The following TP73 variants were observed in gnomAD, a reference collection of about 807,000 sequenced individuals.
The protein encoded by TP73 is tumor protein p73, also known as p53-like transcription factor.
Under a neutral mutation model 62.5 loss-of-function variants are expected in TP73, and 25 were observed. The observed-to-expected ratio is 0.40, with a 90% CI of 0.29 to 0.56. The LOEUF (loss-of-function observed/expected upper bound fraction) is 0.56, where lower values mean the gene tolerates loss of function less well. TP73 is among the 20% of genes least tolerant of loss of function. The probability of loss-of-function intolerance (pLI) is 0.46; values close to 1 mark genes in which losing one functional copy is unlikely to be tolerated. For synonymous variants in TP73, 423 were observed against 377.5 expected (o/e 1.12, Z -1.40); for missense variants, 754 against 913.3 (o/e 0.83, Z 2.25).
intron 3 of TP73, among the ~76,000 whole-genome samples, chr1:3,706,134 C>T (rs1639606743): frequency 6.6e-6 from 1 of 152,182 alleles, no homozygotes; most frequent in African/African-American, 2.4e-5. Context: ...CCCGCCTCCG[C>T]CTGGCTCTGC....
intron 1 of TP73, among the ~76,000 whole-genome samples, chr1:3,661,741 AT>A: frequency 6.9e-6 from 1 of 145,652 alleles, no homozygotes; most frequent in South Asian, 2.1e-4. Flanking sequence ...TATATATATA[AT>A]ATGTATTACA....
chr1:3,718,205 C>A (rs1441858086), intron 4 of TP73, among the ~76,000 whole-genome samples: 1 of 152,224 alleles, frequency 6.6e-6, no homozygotes, highest in Non-Finnish European at 1.5e-5. Context: ...CGCCCAAGCT[C>A]CTCCCCGGGG....
chr1:3,730,811 C>T, intron 11 of TP73, 116 bp from the exon 12 acceptor site: 5 of 1,346,144 alleles, frequency 3.7e-6, no homozygotes, highest in Non-Finnish European at 5.0e-6. Flanking sequence ...CCCAGCGTCA[C>T]ATCGCCAGGC....
intron 1 of TP73, among the ~76,000 whole-genome samples, chr1:3,680,059 C>G (rs1645484827): frequency 6.6e-6 from 1 of 151,950 alleles, no homozygotes; most frequent in Non-Finnish European, 1.5e-5. Context: ...ATCCCTGTCT[C>G]TATGTCTCTG....
In TP73 at chr1:3,729,447, C is replaced by A. The variant is rs1191638867; in HGVS notation, c.1195C>A (p.Pro399Thr). ...GCAGCAGCAGCAGCTCCTACAGAGG[C>A]CGTGAGTCAGCCCTAGCCCACCATC... ...YRQQQQLLQR[P>T]SHLQPPSYGP... is the part of the protein sequence containing the mutation. The change falls in exon 10 of 14, where the codon CCG (proline) becomes ACG (threonine). Residue 399 changes from proline (P) to threonine (T), a missense_variant and splice_region_variant. Pro to Thr is a conservative substitution (Grantham distance 38). Transcript: ENST00000378295. 6.2e-7 allele frequency: 1 copy of A among 1,612,562 alleles called. No homozygotes were observed. Among genetic ancestry groups the A allele is most frequent in the Non-Finnish European group, 8.5e-7 (1 of 1,179,972 alleles).
intron 1 of TP73, among the ~76,000 whole-genome samples, chr1:3,664,503 C>G (rs1030658912): frequency 6.6e-6 from 1 of 152,216 alleles, no homozygotes; most frequent in Non-Finnish European, 1.5e-5. Flanking sequence ...CCTGCTCGCC[C>G]GTACTGCACC....
rs537928565 is a variant in TP73 at position 3,676,477 on chromosome 1, G to C, written c.-33-5856G>C. Among the ~76,000 whole-genome samples the C allele has an allele frequency of 2.7e-5, 4 of 150,918 alleles. No homozygotes were observed. In the South Asian group the frequency reaches 8.4e-4, roughly 32 times the overall value. ...CAGGGAGGGGATGCTTGGGGACAGG[G>C]AGGGAATGCTTGGGACAGGGCAGGG... On this transcript the variant is annotated intron_variant, in intron 1 of 13. Transcript: ENST00000378295.
intron 12 of TP73, 74 bp from the exon 13 acceptor site, chr1:3,731,387 ACT>A: frequency 6.9e-7 from 1 of 1,441,214 alleles, no homozygotes; most frequent in Non-Finnish European, 9.7e-7. Context: ...CAGCCAGGCC[ACT>A]CTCAGAGATG....
In TP73 at chr1:3,683,114, G is replaced by A. The variant is rs370965402; in HGVS notation, c.120G>A (p.Glu40=). The change falls in exon 3 of 14, where the codon GAG becomes GAA. Residue 40 remains glutamate, a synonymous_variant. Transcript: ENST00000378295. The part of the protein sequence containing the change: ...DLPQSSRGNN[E]VVGGTDSSMD... ...CCCAGTCAAGCCGGGGGAATAATGA[G>A]GTGGTGGGCGGAACGGATTCCAGCA... 6 of 1,612,550 alleles carry A rather than the reference G, an allele frequency of 3.7e-6. No individual in the cohort carries two copies. In the African/African-American group the frequency reaches 4.0e-5, roughly 11 times the overall value.
intron 3 of TP73, among the ~76,000 whole-genome samples, chr1:3,689,157 G>C (rs773403672): frequency 6.6e-6 from 1 of 152,114 alleles, no homozygotes; most frequent in Non-Finnish European, 1.5e-5. Flanking sequence ...GGGCATCCCC[G>C]ATCCCAGCAG....
At position 3,730,059 on chromosome 1, in the gene TP73, G is replaced by A; in HGVS notation, c.1256G>A (p.Gly419Glu). 7 of 1,607,564 alleles carry A rather than the reference G, an allele frequency of 4.4e-6. No homozygotes were observed. The highest frequency in any genetic ancestry group is 5.9e-6 in the Non-Finnish European group (7 of 1,177,660). The change falls in exon 11 of 14, where the codon GGG becomes GAG. Residue 419 changes from glycine (G) to glutamate (E), a missense_variant. Gly to Glu is a moderately conservative substitution (Grantham distance 98). Around this residue, in one of 3 missense-constraint regions of TP73, gnomAD observed 458 missense variants for 528.7 expected, o/e 0.87. Coordinates refer to ENST00000378295, the MANE Select transcript of TP73 (RefSeq NM_005427.4). ...PVLSPMNKVHGGMNKLPSVNQ... is the reference protein window; with the variant it reads ...PVLSPMNKVHEGMNKLPSVNQ... Reference sequence around the variant, plus strand: ...CTCTCGCCCATGAACAAGGTGCACGGGGGCATGAACAAGCTGCCCTCCGTC... The same window carrying A: ...CTCTCGCCCATGAACAAGGTGCACGAGGGCATGAACAAGCTGCCCTCCGTC...
At chr1:3,723,732 T>G in intron 6 of TP73, among the ~76,000 whole-genome samples, 1 of 152,210 alleles carries the variant, frequency 6.6e-6, no homozygotes, top group South Asian at 2.1e-4. Flanking sequence ...CCCAGCTCCA[T>G]AGTGGGGAGT....
At chr1:3,729,501 C>T (rs1485761245) in intron 10 of TP73, 53 bp downstream of exon 10, 9 of 1,609,464 alleles carry the variant, frequency 5.6e-6, no homozygotes, top group Non-Finnish European at 7.6e-6. Context: ...ATGGCTTAAC[C>T]CCCCAGGAGA....
intron 5 of TP73, among the ~76,000 whole-genome samples, chr1:3,722,408 G>A (rs1045007315): frequency 6.6e-6 from 1 of 152,240 alleles, no homozygotes; most frequent in Admixed American, 6.5e-5. Context: ...CTCCTGGGCA[G>A]GGGCAAGTGG....
chr1:3,685,630 C>T (rs760263311), intron 3 of TP73, among the ~76,000 whole-genome samples: 24 of 152,202 alleles, frequency 1.6e-4, no homozygotes, highest in African/African-American at 3.6e-4. Flanking sequence ...ACAGAGACTC[C>T]GAAGGGCGCC....
At chr1:3,698,928 G>A (rs551284514) in intron 3 of TP73, among the ~76,000 whole-genome samples, 23 of 152,308 alleles carry the variant, frequency 1.5e-4, no homozygotes, top group Admixed American at 3.9e-4. Context: ...GCAGACACAC[G>A]TCTGGGGACT....
intron 1 of TP73, chr1:3,659,130 T>C (rs1201264086): frequency 6.6e-6 from 1 of 151,354 alleles, no homozygotes; most frequent in Non-Finnish European, 1.5e-5. Context: ...ACTGGGTGGG[T>C]GTGTTGTCCC....
intron 13 of TP73, 45 bp downstream of exon 13, chr1:3,731,601 G>A: frequency 1.3e-6 from 2 of 1,579,458 alleles, no homozygotes; most frequent in Non-Finnish European, 1.7e-6. Context: ...GTAGCTGGAG[G>A]GGCCCCTGTC....
rs965652755 is a variant in TP73 at position 3,672,434 on chromosome 1, C to G, written c.-33-9899C>G. Among the ~76,000 whole-genome samples, 1 of 152,072 alleles carries G rather than the reference C, an allele frequency of 6.6e-6. No homozygotes were observed. Among genetic ancestry groups the G allele is most frequent in the Admixed American group, 6.6e-5 (1 of 15,260 alleles). On this transcript the variant is annotated intron_variant, in intron 1 of 13. Transcript: ENST00000378295. This position sits in a 1 kb window ranked among gnomAD's most constrained non-coding sequence, Gnocchi z 5.3. ...GAGGGGGCAGAGGACAGGGATGTGTCTGTGCAGAACGAGGCTGTGGCAGCT... is the reference window on the plus strand; with the variant it reads ...GAGGGGGCAGAGGACAGGGATGTGTGTGTGCAGAACGAGGCTGTGGCAGCT...
Sources: allele counts gnomAD v4.1 joint callset (sites outside exome capture counted in the v4.1 genomes callset), GRCh38; gene constraint gnomAD v4.1.1; regional missense constraint gnomAD v4.1.1; non-coding constraint Gnocchi (gnomAD v3.1); transcripts MANE v1.5; gene names NCBI Gene and HGNC (gene_info 2026-07-23, HGNC 2026-07-21).